The following RGS7 variants were observed in gnomAD, a reference collection of about 807,000 sequenced individuals.
RGS7 encodes regulator of G protein signaling 7.
RGS7 carries 27 observed loss-of-function variants against 81.1 expected under a neutral mutation model. The ratio of observed to expected loss-of-function variants is 0.33; its 90% confidence interval spans 0.25 to 0.46. RGS7 has a LOEUF of 0.46. RGS7 is among the 20% of genes least tolerant of loss of function. RGS7 has a pLI of 1.00. For synonymous variants in RGS7, 208 were observed against 207.7 expected (o/e 1.00, Z -0.01); for missense variants, 396 against 607.4 (o/e 0.65, Z 3.66).
In RGS7 at chr1:240,892,859, A is replaced by G. The variant is rs561178723; in HGVS notation, c.386-22740T>C. On this transcript the variant is annotated intron_variant, in intron 6 of 18. Transcript: ENST00000440928. ...TGATTTGGAAATCATTCTTTGCTCA[A>G]TTAAACTCTGTTGAACTATTTCTCT... 2.0e-5 allele frequency among the ~76,000 whole-genome samples: 3 copies of G among 152,266 alleles called. No homozygotes were observed. The East Asian group carries it at 5.8e-4, about 29-fold the overall frequency.
At chr1:241,291,080 T>C (rs2079063585) in intron 2 of RGS7, among the ~76,000 whole-genome samples, 1 of 152,096 alleles carries the variant, frequency 6.6e-6, no homozygotes, top group Non-Finnish European at 1.5e-5. Flanking sequence ...ACAAGACACT[T>C]TTCTGTCCTT....
Position 240,827,176 on chromosome 1 carries a change from G to T in RGS7, c.610-4C>A. 11 of 1,610,444 alleles carry T rather than the reference G, an allele frequency of 6.8e-6. No homozygotes were observed. The highest frequency in any genetic ancestry group is 9.3e-6 in the Non-Finnish European group (11 of 1,176,696). On this transcript the variant is annotated splice_region_variant and splice_polypyrimidine_tract_variant and intron_variant, in intron 9 of 18. Coordinates refer to ENST00000440928, the MANE Select transcript of RGS7 (RefSeq NM_001364886.1). The stretch of plus-strand genomic sequence containing the variant: ...CAGTTGTATTTACACATCCAGGCTG[G>T]GAATGGAAAAACAGAGAGACAAATG...
chr1:240,878,660 G>A (rs1469938336), intron 6 of RGS7, among the ~76,000 whole-genome samples: 1 of 151,896 alleles, frequency 6.6e-6, no homozygotes, highest in Non-Finnish European at 1.5e-5. Context: ...GGTTTTGGGG[G>A]AAAAGTTTAC....
intron 2 of RGS7, among the ~76,000 whole-genome samples, chr1:241,126,582 T>A (rs549430545): frequency 1.6e-4 from 24 of 152,324 alleles, no homozygotes; most frequent in African/African-American, 5.8e-4. Flanking sequence ...CAGCATTTTG[T>A]TGCCTCAGCT....
At chr1:240,974,705 C>A (rs562057189) in intron 4 of RGS7, among the ~76,000 whole-genome samples, 2 of 152,272 alleles carry the variant, frequency 1.3e-5, no homozygotes, top group South Asian at 4.1e-4. Context: ...AAGAAAGGCT[C>A]ATGGAATAGG....
At chr1:241,260,441 G>A (rs1335923732) in intron 2 of RGS7, among the ~76,000 whole-genome samples, 1 of 152,134 alleles carries the variant, frequency 6.6e-6, no homozygotes, top group African/African-American at 2.4e-5. Context: ...AGCCATACCT[G>A]TCTTCAAACT....
intron 2 of RGS7, among the ~76,000 whole-genome samples, chr1:241,173,019 G>T (rs1420293156): frequency 6.6e-6 from 1 of 152,144 alleles, no homozygotes; most frequent in Non-Finnish European, 1.5e-5. Context: ...TTTTTTTAAA[G>T]ACATGATTAG....
At chr1:241,022,103 G>C (rs532606601) in intron 3 of RGS7, among the ~76,000 whole-genome samples, 7 of 152,174 alleles carry the variant, frequency 4.6e-5, no homozygotes, top group African/African-American at 1.4e-4. Flanking sequence ...ATATACAAGG[G>C]GGTTACTATT....
At chr1:241,210,298 T>C (rs1244132318) in intron 2 of RGS7, among the ~76,000 whole-genome samples, 1 of 152,166 alleles carries the variant, frequency 6.6e-6, no homozygotes, top group Non-Finnish European at 1.5e-5. Context: ...TACAGGCTTA[T>C]ACCACTATGC....
chr1:241,205,270 C>T (rs1477183365), intron 2 of RGS7, among the ~76,000 whole-genome samples: 3 of 147,222 alleles, frequency 2.0e-5, no homozygotes, highest in South Asian at 2.2e-4. Flanking sequence ...TCAGTAGAGA[C>T]GGGGTTTCAC....
chr1:241,032,970 T>A (rs955136167), intron 3 of RGS7, among the ~76,000 whole-genome samples: 1 of 77,296 alleles, frequency 1.3e-5, no homozygotes, highest in South Asian at 3.4e-4. Flanking sequence ...ATGCGTTTTA[T>A]TTTTTTTCTC....
chr1:241,244,265 AAAAC>A (rs1181951600), intron 2 of RGS7, among the ~76,000 whole-genome samples: 7 of 152,322 alleles, frequency 4.6e-5, no homozygotes, highest in African/African-American at 1.7e-4. Context: ...TTACAAGAAA[AAAAC>A]AAACAACCCC....
chr1:241,232,672 T>A (rs559320938), intron 2 of RGS7, among the ~76,000 whole-genome samples: 262 of 149,976 alleles, frequency 1.7e-3, no homozygotes, highest in African/African-American at 5.9e-3. Context: ...TGTCAATTTC[T>A]GGAAAAAAAA....
chr1:241,281,101 T>G lies in RGS7; in HGVS notation c.78+74598A>C, dbSNP rs543646008. On this transcript the variant is annotated intron_variant, in intron 2 of 18. Coordinates refer to ENST00000440928, the MANE Select transcript of RGS7 (RefSeq NM_001364886.1). ...ATGCCATAAATGCATAAAATATATG[T>G]AGATACTAGTCTACTTTAACACTTA... Among the ~76,000 whole-genome samples, 4 of 152,306 alleles carry G rather than the reference T, an allele frequency of 2.6e-5. No homozygotes were observed. The East Asian group carries it at 7.7e-4, about 29-fold the overall frequency.
At chr1:240,900,126 T>G (rs1402894935) in intron 6 of RGS7, among the ~76,000 whole-genome samples, 3 of 152,230 alleles carry the variant, frequency 2.0e-5, no homozygotes, top group African/African-American at 7.2e-5. Context: ...GCCACGGTTT[T>G]CAGCTACATC....
chr1:241,103,640 C>T (rs1303821186), intron 2 of RGS7, among the ~76,000 whole-genome samples: 1 of 152,058 alleles, frequency 6.6e-6, no homozygotes, highest in Non-Finnish European at 1.5e-5. Flanking sequence ...GGGAGGCCAA[C>T]ACAGGAGGAT....
At chr1:241,054,454 G>C (rs539187293) in intron 3 of RGS7, among the ~76,000 whole-genome samples, 2 of 152,248 alleles carry the variant, frequency 1.3e-5, no homozygotes, top group Non-Finnish European at 2.9e-5. Flanking sequence ...TGTCTCCTCA[G>C]GTGATGTTAT....
At chr1:241,064,518 G>A (rs933796578) in intron 3 of RGS7, among the ~76,000 whole-genome samples, 2 of 151,956 alleles carry the variant, frequency 1.3e-5, no homozygotes, top group East Asian at 1.9e-4. Context: ...GAGCCAGGGA[G>A]GTCAAGGCTG....
intron 2 of RGS7, among the ~76,000 whole-genome samples, chr1:241,336,679 C>A (rs1008987556): frequency 6.6e-6 from 1 of 152,152 alleles, no homozygotes; most frequent in East Asian, 1.9e-4. Context: ...GAATGATTAA[C>A]CCTGTAATCT....
Sources: gnomAD v4.1 joint callset for allele counts (sites outside exome capture counted in the v4.1 genomes callset) on GRCh38, gnomAD v4.1.1 for gene constraint, MANE v1.5 for transcripts, NCBI Gene and HGNC (gene_info 2026-07-23, HGNC 2026-07-21) for gene names.